TBC1D22A: variants seen among roughly 807,000 people sequenced by gnomAD.
The protein encoded by TBC1D22A is TBC1 domain family member 22A, also known as putative GTPase activator.
In TBC1D22A, 38 loss-of-function variants were observed where a neutral mutation model predicts 60.2. That is an observed-to-expected ratio of 0.63 (90% CI 0.49 to 0.83). The LOEUF is 0.83. TBC1D22A is among the 40% of genes least tolerant of loss of function. The probability of loss-of-function intolerance (pLI) is 0.00; values close to 1 mark genes in which losing one functional copy is unlikely to be tolerated. For missense variants in TBC1D22A, 628 were observed against 701.0 expected, an observed-to-expected ratio of 0.90 and a Z score of 1.18; for synonymous variants, 302 against 281.7, an observed-to-expected ratio of 1.07 and a Z score of -0.72.
At chr22:47,072,238 G>A (rs1319838047) in intron 11 of TBC1D22A, among the ~76,000 whole-genome samples, 1 of 152,208 alleles carries the variant, frequency 6.6e-6, no homozygotes, top group African/African-American at 2.4e-5. Flanking sequence ...TGGAGGATGT[G>A]GAGCTGCCCA....
chr22:46,858,722 A>G (rs1036160185), intron 4 of TBC1D22A, among the ~76,000 whole-genome samples: 25 of 152,188 alleles, frequency 1.6e-4, no homozygotes, highest in Non-Finnish European at 5.9e-5. Flanking sequence ...GGCGGCCTCA[A>G]CCATTCCAGA....
chr22:46,905,982 T>C (rs900035933), intron 7 of TBC1D22A, among the ~76,000 whole-genome samples: 2 of 152,142 alleles, frequency 1.3e-5, no homozygotes, highest in African/African-American at 4.8e-5. Flanking sequence ...GGCTGCCCCT[T>C]TTGCAGTTTC....
chr22:46,806,955 C>T (rs6008978), intron 4 of TBC1D22A, among the ~76,000 whole-genome samples: 6,562 of 152,290 alleles, frequency 0.043, 449 homozygotes, highest in African/African-American at 0.15. Context: ...GTGTGCAGAG[C>T]CAATAGGGCT....
chr22:46,779,156 A>T (rs2083830997), intron 1 of TBC1D22A, among the ~76,000 whole-genome samples: 3 of 152,240 alleles, frequency 2.0e-5, no homozygotes, highest in Admixed American at 2.0e-4. Context: ...TATGTGCTAT[A>T]CTGTTATAGG....
intron 8 of TBC1D22A, among the ~76,000 whole-genome samples, chr22:46,939,248 A>G (rs760957384): frequency 2.9e-4 from 44 of 152,248 alleles, no homozygotes; most frequent in Admixed American, 1.6e-3. Flanking sequence ...GCTAATGATG[A>G]TGGTGAAATT....
chr22:46,912,214 G>C (rs780434178), intron 8 of TBC1D22A, 26 bp downstream of exon 8: 2 of 1,514,326 alleles, frequency 1.3e-6, no homozygotes, highest in African/African-American at 2.7e-5. Flanking sequence ...AACATTAAAC[G>C]TGAACTTTAG....
At chr22:47,062,294 G>T (rs1703667157) in intron 11 of TBC1D22A, among the ~76,000 whole-genome samples, 1 of 152,058 alleles carries the variant, frequency 6.6e-6, no homozygotes, top group South Asian at 2.1e-4. Context: ...GGGTGTCCCG[G>T]CAGTCTGTGT....
Position 47,126,039 on chromosome 22 carries a change from T to C in TBC1D22A, c.1425+14436T>C, listed in dbSNP as rs570958985. Among the ~76,000 whole-genome samples the C allele has an allele frequency of 7.9e-5, 12 of 152,334 alleles. No individual in the cohort carries two copies. The South Asian group carries it at 2.5e-3, about 32-fold the overall frequency. ...CTCTGTCGGCCAGGTTGGAGTGCAGTGGCACGATCTTGGCTCACTGCAGCC... is the reference window on the plus strand; with the variant it reads ...CTCTGTCGGCCAGGTTGGAGTGCAGCGGCACGATCTTGGCTCACTGCAGCC... On this transcript the variant is annotated intron_variant, in intron 12 of 12. Transcript: ENST00000337137.
At chr22:47,165,720 C>T (rs185844817) in intron 12 of TBC1D22A, among the ~76,000 whole-genome samples, 5 of 152,232 alleles carry the variant, frequency 3.3e-5, no homozygotes, top group East Asian at 1.9e-4. Flanking sequence ...GAGAAATGCC[C>T]GAGGGCCTCC....
intron 11 of TBC1D22A, among the ~76,000 whole-genome samples, chr22:47,102,534 C>T (rs914670038): frequency 3.9e-5 from 6 of 152,170 alleles, no homozygotes; most frequent in African/African-American, 1.4e-4. Context: ...AAGCAGAAGC[C>T]CATTTTCCAT....
At chr22:46,809,232 G>A (rs993491322) in intron 4 of TBC1D22A, among the ~76,000 whole-genome samples, 3 of 152,134 alleles carry the variant, frequency 2.0e-5, no homozygotes, top group African/African-American at 7.2e-5. Flanking sequence ...TTGTCACATG[G>A]CATTTCTTCT....
intron 8 of TBC1D22A, among the ~76,000 whole-genome samples, chr22:46,971,875 G>A (rs1013105371): frequency 4.1e-4 from 63 of 152,356 alleles, no homozygotes; most frequent in African/African-American, 1.4e-3. Context: ...TCCTGCGCCA[G>A]CAGAGTTTTG....
At chr22:46,904,138 T>TCTGCCTAC (rs1481229542) in intron 7 of TBC1D22A, among the ~76,000 whole-genome samples, 1,688 of 55,292 alleles carry the variant, frequency 0.031, 21 homozygotes, top group South Asian at 0.036. Context: ...TATCTATCTA[T>TCTGCCTAC]CTATCTACCT....
At chr22:47,136,695 T>C (rs1453749434) in intron 12 of TBC1D22A, among the ~76,000 whole-genome samples, 1 of 152,184 alleles carries the variant, frequency 6.6e-6, no homozygotes, top group Non-Finnish European at 1.5e-5. Flanking sequence ...CTTTCAGCAC[T>C]CACCCACCCT....
rs993768579 is a variant in TBC1D22A at position 47,158,938 on chromosome 22, TACAC to T, written c.1426-14549_1426-14546del. Among the ~76,000 whole-genome samples the T allele has an allele frequency of 3.5e-3, 530 of 151,052 alleles. 3 individuals are homozygous for T. Among genetic ancestry groups the T allele is most frequent in the African/African-American group, 0.012 (503 of 41,054 alleles). On this transcript the variant is annotated intron_variant, in intron 12 of 12. Transcript: ENST00000337137. ...ATACACATCACATGCACTCACCATG[TACAC>T]ACACACACACCATGTATACACAGAC...
intron 12 of TBC1D22A, chr22:47,115,799 T>C (rs2066020831): frequency 6.6e-6 from 1 of 152,300 alleles, no homozygotes; most frequent in Non-Finnish European, 1.5e-5. Context: ...GGAAACCTTC[T>C]GTGGCCCCCA....
At position 46,793,702 on chromosome 22, in the gene TBC1D22A, G is replaced by A. The variant is rs1022229705; in HGVS notation, c.321G>A (p.Gln107=). The change falls in exon 3 of 13, where the codon CAG becomes CAA. Residue 107 remains glutamine, a synonymous_variant. Coordinates refer to ENST00000337137, the MANE Select transcript of TBC1D22A (RefSeq NM_014346.5). ...ACCGTGTGCTGCGTAACCACAGCCA[G>A]CGGCAGGGGCGGCCCACGCTGCAGG... ...TANRVLRNHS[Q]RQGRPTLQEG... 1 of 1,611,896 alleles carries A rather than the reference G, an allele frequency of 6.2e-7. No homozygotes were observed. Among genetic ancestry groups the A allele is most frequent in the Non-Finnish European group, 8.5e-7 (1 of 1,179,586 alleles).
chr22:47,041,361 C>T (rs965141152), intron 11 of TBC1D22A, among the ~76,000 whole-genome samples: 3 of 152,196 alleles, frequency 2.0e-5, no homozygotes, highest in African/African-American at 7.2e-5. Context: ...CTACCATTTG[C>T]TTCCTCTCCC....
Position 47,016,987 on chromosome 22 carries a change from C to T in TBC1D22A, c.1201+19278C>T, listed in dbSNP as rs80019175. 3.4e-3 allele frequency among the ~76,000 whole-genome samples: 520 copies of T among 152,338 alleles called. 7 individuals carry two copies. The highest frequency in any genetic ancestry group is 0.012 in the African/African-American group (502 of 41,582). On this transcript the variant is annotated intron_variant, in intron 10 of 12. Transcript: ENST00000337137. ...GTTTTGTCTGACGCGCTCAGGCCTG[C>T]GATGGTCGCCGATGGCGGCTTTTTC...
Sources: gnomAD v4.1 joint callset for allele counts (sites outside exome capture counted in the v4.1 genomes callset) on GRCh38, gnomAD v4.1.1 for gene constraint, MANE v1.5 for transcripts, NCBI Gene and HGNC (gene_info 2026-07-23, HGNC 2026-07-21) for gene names.